DLG5: variants seen among roughly 807,000 people sequenced by gnomAD.
The protein encoded by DLG5 is discs large MAGUK scaffold protein 5.
Under a neutral mutation model 189.8 loss-of-function variants are expected in DLG5, and 48 were observed. The ratio of observed to expected loss-of-function variants is 0.25; its 90% confidence interval spans 0.20 to 0.32. The LOEUF (loss-of-function observed/expected upper bound fraction) is 0.32. Among genes scored for constraint, DLG5 ranks in the 10% least tolerant of loss-of-function variants. The pLI is 1.00. For missense variants in DLG5, 2,160 were observed against 2,544.7 expected (o/e 0.85, Z 3.25); for synonymous variants, 1,016 against 1,054.1 (o/e 0.96, Z 0.70).
At position 77,842,158 on chromosome 10, in the gene DLG5, G is replaced by A. The variant is rs139182289; in HGVS notation, c.1160C>T (p.Thr387Met). Residue 387 changes from threonine to methionine, a missense_variant, in exon 7 of 32, where the codon ACG becomes ATG. Around this residue, in one of 5 missense-constraint regions of DLG5, gnomAD observed 664 missense variants for 838.5 expected, o/e 0.79. Coordinates refer to ENST00000372391, the MANE Select transcript of DLG5 (RefSeq NM_004747.4). ...EAIHHELNKA[T>M]AQNKDLQWEM... is the part of the protein sequence containing the mutation. ...CCACTGCAGGTCCTTGTTCTGCGCCGTGGCCTTGTTCAGCTCATGGTGGAT... is the reference window on the plus strand; with the variant it reads ...CCACTGCAGGTCCTTGTTCTGCGCCATGGCCTTGTTCAGCTCATGGTGGAT... 9.0e-5 allele frequency: 145 copies of A among 1,607,376 alleles called. No individual in the cohort carries two copies. The African/African-American group carries it at 1.5e-3, about 17-fold the overall frequency.
chr10:77,849,544 G>A (rs905591276), intron 5 of DLG5, among the ~76,000 whole-genome samples: 2 of 152,266 alleles, frequency 1.3e-5, no homozygotes, highest in East Asian at 1.9e-4. Context: ...TCTCCTGGTG[G>A]GGTCTGGAGG....
At chr10:77,851,177 A>G (rs1843956065) in intron 5 of DLG5, among the ~76,000 whole-genome samples, 1 of 152,226 alleles carries the variant, frequency 6.6e-6, no homozygotes, top group African/African-American at 2.4e-5. Context: ...TTGACACAGC[A>G]CCGCCATCCT....
intron 1 of DLG5, among the ~76,000 whole-genome samples, chr10:77,882,442 G>A (rs1845310400): frequency 6.6e-6 from 1 of 152,092 alleles, no homozygotes; most frequent in Admixed American, 6.6e-5. Context: ...TCCTCAGGAG[G>A]CTCAGGTCTA....
In DLG5 at chr10:77,821,665, C is replaced by A. The variant is rs1842368993; in HGVS notation, c.2819G>T (p.Gly940Val). The change falls in exon 15 of 32, where the codon GGC becomes GTC. Residue 940 changes from glycine to valine, a missense_variant. Around this residue, in one of 5 missense-constraint regions of DLG5, gnomAD observed 754 missense variants for 746.5 expected, o/e 1.01. Transcript: ENST00000372391. The stretch of plus-strand genomic sequence containing the variant: ...GGGCCAGGTCCCGCCGCTGTTGGAG[C>A]CTTCAGAGTCTGCCTTGTCCAGGGA... Reference protein sequence around the residue: ...EASLDKADSEGSNSGGTWPKA... With the variant: ...EASLDKADSEVSNSGGTWPKA... 6 of 1,612,982 alleles carry A rather than the reference C, an allele frequency of 3.7e-6. No individual in the cohort carries two copies. The highest frequency in any genetic ancestry group is 4.2e-6 in the Non-Finnish European group (5 of 1,179,922).
In DLG5 at chr10:77,880,113, AGAG is replaced by A. The variant is rs373425732; in HGVS notation, c.305-10919_305-10917del. On this transcript the variant is annotated intron_variant, in intron 1 of 31. Coordinates refer to ENST00000372391, the MANE Select transcript of DLG5 (RefSeq NM_004747.4). ...GAGAAGAGAAATCAACCAAGAAGAC[AGAG>A]GAGAAGTGGGTAGTGAGATGGGAGA... Among the ~76,000 whole-genome samples the A allele has an allele frequency of 7.9e-4, 121 of 152,270 alleles. 1 individual carries two copies. Among genetic ancestry groups the A allele is most frequent in the East Asian group, 4.8e-3 (25 of 5,162 alleles).
At chr10:77,926,932 C>A, upstream of DLG5, 1 of 364,314 alleles carries the variant, frequency 2.7e-6, no homozygotes, top group Admixed American at 3.1e-5. The surrounding 1 kb of genome is among the most constrained non-coding windows in gnomAD (Gnocchi z 5.2). Flanking sequence ...CGCGCCGCCC[C>A]CAGAGCAAGA....
chr10:77,908,476 T>G (rs371731932), intron 1 of DLG5, among the ~76,000 whole-genome samples: 65 of 152,108 alleles, frequency 4.3e-4, no homozygotes, highest in Admixed American at 1.2e-3. Flanking sequence ...CCAGAGAGAA[T>G]GACTGGAAGG....
rs1382546442 is a variant in DLG5 at position 77,807,869 on chromosome 10, G to A, written c.4723C>T (p.Arg1575Cys). ...VEMLKPRDGVRLKVQYRPEEF... is the reference protein window; with the variant it reads ...VEMLKPRDGVCLKVQYRPEEF... ...TCAGGGCGGTACTGCACCTTCAGGC[G>A]GACGCCATCCCTGGGCTTCAGCATC... Residue 1575 changes from arginine to cysteine, a missense_variant, in exon 25 of 32, where the codon CGC (arginine) becomes TGC (cysteine). This residue lies in a region of DLG5 where 574 missense variants were observed against 644.2 expected (regional missense o/e 0.89). Coordinates refer to ENST00000372391, the MANE Select transcript of DLG5 (RefSeq NM_004747.4). 19 of 1,614,062 alleles carry A rather than the reference G, an allele frequency of 1.2e-5. No individual in the cohort carries two copies. The highest frequency in any genetic ancestry group is 2.7e-5 in the African/African-American group (2 of 74,922).
At chr10:77,868,247 C>T (rs771341891) in intron 2 of DLG5, 8 of 391,314 alleles carry the variant, frequency 2.0e-5, no homozygotes, top group Non-Finnish European at 4.1e-5. Flanking sequence ...CCTCTTATCA[C>T]ACTACCTTCC....
intron 1 of DLG5, among the ~76,000 whole-genome samples, chr10:77,923,774 C>T (rs1179285443): frequency 4.6e-5 from 7 of 152,206 alleles, no homozygotes; most frequent in African/African-American, 1.4e-4. Flanking sequence ...ACAAAAGCCC[C>T]CAACACGCCA....
intron 27 of DLG5, among the ~76,000 whole-genome samples, chr10:77,802,127 T>C (rs1374039873): frequency 1.3e-5 from 2 of 152,102 alleles, no homozygotes; most frequent in African/African-American, 4.8e-5. Context: ...GGAGCGAAGG[T>C]TGGCCAACAA....
chr10:77,860,714 T>C (rs1844439520), intron 2 of DLG5, among the ~76,000 whole-genome samples: 1 of 152,202 alleles, frequency 6.6e-6, no homozygotes, highest in Non-Finnish European at 1.5e-5. Flanking sequence ...TTACCAAGGT[T>C]AAATAGTGTG....
the DLG5 span, among the ~76,000 whole-genome samples, chr10:77,938,422 C>T: frequency 2.6e-5 from 4 of 152,138 alleles, no homozygotes; most frequent in South Asian, 4.2e-4. Context: ...CAGAGCAAGA[C>T]CCTGTCTCAA....
chr10:77,875,652 G>GA (rs1319910551), intron 1 of DLG5, among the ~76,000 whole-genome samples: 7 of 152,188 alleles, frequency 4.6e-5, no homozygotes, highest in Non-Finnish European at 1.0e-4. Context: ...AGGTGACCGT[G>GA]AAAGTTGCGG....
At chr10:77,859,663 C>T (rs952599715) in intron 2 of DLG5, among the ~76,000 whole-genome samples, 2 of 152,226 alleles carry the variant, frequency 1.3e-5, no homozygotes, top group Admixed American at 1.3e-4. Context: ...TGTGTAAGCA[C>T]ACTCATGTTT....
chr10:77,911,899 TAA>T (rs567850067), intron 1 of DLG5, among the ~76,000 whole-genome samples: 2 of 138,622 alleles, frequency 1.4e-5, no homozygotes, highest in Non-Finnish European at 1.6e-5. Context: ...AACATTTTCT[TAA>T]AAAAAAAAAA....
chr10:77,849,468 G>A (rs11816802), intron 5 of DLG5, among the ~76,000 whole-genome samples: 7,282 of 152,332 alleles, frequency 0.048, 555 homozygotes, highest in African/African-American at 0.16. Context: ...ATGCCAGGAC[G>A]CGGGGCTGGT....
At chr10:77,929,836 C>A (rs1004144112), upstream of DLG5, 2 of 152,230 alleles carry the variant, frequency 1.3e-5, no homozygotes, top group Non-Finnish European at 2.9e-5. Context: ...GTCAGTGGTT[C>A]TTGTTTTAAG....
At chr10:77,823,529 C>A (rs1842467374) in intron 14 of DLG5, among the ~76,000 whole-genome samples, 1 of 108,058 alleles carries the variant, frequency 9.3e-6, no homozygotes, top group Non-Finnish European at 1.8e-5. Context: ...CACTTCCCTT[C>A]CTTTTTTTTT....
Sources: allele counts gnomAD v4.1 joint callset (sites outside exome capture counted in the v4.1 genomes callset), GRCh38; gene constraint gnomAD v4.1.1; regional missense constraint gnomAD v4.1.1; non-coding constraint Gnocchi (gnomAD v3.1); transcripts MANE v1.5; gene names NCBI Gene and HGNC (gene_info 2026-07-23, HGNC 2026-07-21).